SPAG16: variants seen among roughly 807,000 people sequenced by gnomAD.
The protein encoded by SPAG16 is sperm-associated antigen 16 protein.
In SPAG16, 86 loss-of-function variants were observed where a neutral mutation model predicts 80.4. The ratio of observed to expected loss-of-function variants is 1.07; its 90% confidence interval spans 0.90 to 1.28. The LOEUF (loss-of-function observed/expected upper bound fraction) is 1.28. Ranked by LOEUF, SPAG16 falls within the 50% of genes most tolerant of loss-of-function variation. The pLI, the probability that SPAG16 is intolerant of heterozygous loss-of-function variation, is 0.00. For synonymous variants in SPAG16, 294 were observed against 265.9 expected (o/e 1.11, Z -1.03); for missense variants, 870 against 765.3 (o/e 1.14, Z -1.61).
intron 10 of SPAG16, among the ~76,000 whole-genome samples, chr2:213,713,052 G>A (rs10207182): frequency 0.38 from 57,654 of 151,908 alleles, 11,411 homozygotes; most frequent in African/African-American, 0.48. Context: ...AATGAGTGCC[G>A]AGCGCAGTGG....
chr2:213,545,681 T>C (rs993982644), intron 10 of SPAG16, among the ~76,000 whole-genome samples: 1 of 152,134 alleles, frequency 6.6e-6, no homozygotes, highest in African/African-American at 2.4e-5. Flanking sequence ...ACTTTTTATA[T>C]GTTTATCTAC....
At chr2:213,831,038 T>TA (rs1375513312) in intron 10 of SPAG16, among the ~76,000 whole-genome samples, 1 of 137,964 alleles carries the variant, frequency 7.2e-6, no homozygotes, top group African/African-American at 2.8e-5. Context: ...ACATGACTTT[T>TA]TTTTTTTTTT....
intron 10 of SPAG16, among the ~76,000 whole-genome samples, chr2:213,778,037 G>T (rs2069712939): frequency 6.6e-6 from 1 of 151,832 alleles, no homozygotes; most frequent in African/African-American, 2.4e-5. Flanking sequence ...ATAAATTTCT[G>T]GATATGTAAA....
chr2:213,652,628 T>G (rs906154634), intron 10 of SPAG16, among the ~76,000 whole-genome samples: 4 of 152,184 alleles, frequency 2.6e-5, no homozygotes, highest in African/African-American at 9.6e-5. Context: ...ATAATTTGCA[T>G]TTTCGTAAAG....
Position 214,170,940 on chromosome 2 carries a change from C to T in SPAG16, c.1720+21674C>T, listed in dbSNP as rs80228060. 9.0e-3 allele frequency among the ~76,000 whole-genome samples: 1,366 copies of T among 152,134 alleles called. 18 individuals are homozygous for T. The highest frequency in any genetic ancestry group is 0.031 in the African/African-American group (1,270 of 41,536). Reference sequence around the variant, plus strand: ...CACCTTCATCCTTAGAACTTTTTAACTCTAGTCCCAATATCATTATCCAGG... The same window carrying T: ...CACCTTCATCCTTAGAACTTTTTAATTCTAGTCCCAATATCATTATCCAGG... On this transcript the variant is annotated intron_variant, in intron 15 of 15. Transcript: ENST00000331683.
intron 5 of SPAG16, among the ~76,000 whole-genome samples, chr2:213,325,519 G>A (rs1350714185): frequency 1.3e-5 from 2 of 151,828 alleles, no homozygotes; most frequent in Non-Finnish European, 2.9e-5. Flanking sequence ...AAAATCAGTT[G>A]ACCCTTTAGA....
At chr2:214,334,932 T>C (rs1216954901) in intron 15 of SPAG16, among the ~76,000 whole-genome samples, 1 of 152,208 alleles carries the variant, frequency 6.6e-6, no homozygotes, top group Non-Finnish European at 1.5e-5. Context: ...CCTATTCTGG[T>C]ACCAAATCTT....
intron 8 of SPAG16, among the ~76,000 whole-genome samples, chr2:213,368,004 A>G (rs2066410687): frequency 6.8e-6 from 1 of 147,072 alleles, no homozygotes; most frequent in South Asian, 2.2e-4. Flanking sequence ...CTTTCTACAT[A>G]TGGCTAGCCA....
chr2:213,859,925 C>A (rs566551533), intron 10 of SPAG16, among the ~76,000 whole-genome samples: 4 of 152,188 alleles, frequency 2.6e-5, no homozygotes, highest in Admixed American at 6.5e-5. Flanking sequence ...CTTGTGAGAA[C>A]TAAGCATTTA....
In SPAG16 at chr2:213,542,710, T is replaced by A. The variant is rs187881978; in HGVS notation, c.1070+52620T>A. Among the ~76,000 whole-genome samples the A allele has an allele frequency of 2.1e-3, 327 of 152,160 alleles. 2 individuals are homozygous for A. Among genetic ancestry groups the A allele is most frequent in the African/African-American group, 7.5e-3 (310 of 41,536 alleles). Reference sequence around the variant, plus strand: ...TGCAAATAGAAAGAGAAAAAATGAGTTGATGCAGCTATGTATGTCTCTGAT... The same window carrying A: ...TGCAAATAGAAAGAGAAAAAATGAGATGATGCAGCTATGTATGTCTCTGAT... On this transcript the variant is annotated intron_variant, in intron 10 of 15. Transcript: ENST00000331683.
intron 9 of SPAG16, among the ~76,000 whole-genome samples, chr2:213,431,554 A>G (rs1039945838): frequency 2.0e-5 from 3 of 152,150 alleles, no homozygotes; most frequent in Non-Finnish European, 4.4e-5. Flanking sequence ...ATAAGAGTAT[A>G]TATCAGTCCT....
At chr2:214,350,937 T>C (rs138436764) in intron 15 of SPAG16, among the ~76,000 whole-genome samples, 252 of 152,220 alleles carry the variant, frequency 1.7e-3, no homozygotes, top group African/African-American at 5.9e-3. Flanking sequence ...AAACATCAGC[T>C]AAAAGGCAAC....
At chr2:213,916,250 T>G (rs2106189336) in intron 11 of SPAG16, among the ~76,000 whole-genome samples, 1 of 152,346 alleles carries the variant, frequency 6.6e-6, no homozygotes, top group African/African-American at 2.4e-5. Context: ...GTTTTAGGTT[T>G]TACGTTTAAG....
intron 14 of SPAG16, among the ~76,000 whole-genome samples, chr2:214,115,170 A>G (rs897990170): frequency 2.6e-5 from 4 of 152,182 alleles, no homozygotes; most frequent in African/African-American, 9.7e-5. Context: ...TGTTTTAACA[A>G]TTATGTTTTA....
chr2:213,595,321 A>G (rs1463681389), intron 10 of SPAG16, among the ~76,000 whole-genome samples: 1 of 152,148 alleles, frequency 6.6e-6, no homozygotes, highest in African/African-American at 2.4e-5. Flanking sequence ...TTTTAATATC[A>G]TGCAGTTACT....
At chr2:214,025,401 A>G (rs1007297716) in intron 13 of SPAG16, among the ~76,000 whole-genome samples, 1 of 151,704 alleles carries the variant, frequency 6.6e-6, no homozygotes, top group Non-Finnish European at 1.5e-5. Context: ...TTACTTCAAC[A>G]TATAGAAATT....
chr2:213,711,769 C>T (rs887855741), intron 10 of SPAG16, among the ~76,000 whole-genome samples: 1 of 152,036 alleles, frequency 6.6e-6, no homozygotes, highest in Non-Finnish European at 1.5e-5. Flanking sequence ...ATCTGCCTGC[C>T]TTGGCCTCCC....
chr2:213,629,708 C>A (rs2125077297), intron 10 of SPAG16, among the ~76,000 whole-genome samples: 1 of 152,310 alleles, frequency 6.6e-6, no homozygotes, highest in East Asian at 1.9e-4. Flanking sequence ...GATATGAAAG[C>A]TACTTTTTTC....
chr2:214,034,338 G>A (rs1435052797), intron 13 of SPAG16, among the ~76,000 whole-genome samples: 1 of 152,230 alleles, frequency 6.6e-6, no homozygotes, highest in East Asian at 1.9e-4. Flanking sequence ...TTTTCACACT[G>A]TGTTAAATAT....
Sources: allele counts gnomAD v4.1 joint callset (sites outside exome capture counted in the v4.1 genomes callset), GRCh38; gene constraint gnomAD v4.1.1; transcripts MANE v1.5; gene names NCBI Gene and HGNC (gene_info 2026-07-23, HGNC 2026-07-21).